Variants in NOTCH4 observed in about 807,000 individuals in gnomAD.
NOTCH4 encodes neurogenic locus notch homolog protein 4.
Under a neutral mutation model 189.0 loss-of-function variants are expected in NOTCH4, and 138 were observed. The observed-to-expected ratio is 0.73, with a 90% CI of 0.64 to 0.84. NOTCH4 has a LOEUF of 0.84. Among genes scored for constraint, NOTCH4 ranks in the 40% least tolerant of loss-of-function variants. NOTCH4 has a pLI of 0.00. For synonymous variants in NOTCH4, 942 were observed against 1,032.8 expected, an observed-to-expected ratio of 0.91 and a Z score of 1.69; for missense variants, 2,286 against 2,605.4, an observed-to-expected ratio of 0.88 and a Z score of 2.67.
chr6:32,212,726 A>C lies in NOTCH4; in HGVS notation c.2526+98T>G. On this transcript the variant is annotated intron_variant, in intron 16 of 29. Coordinates refer to ENST00000375023, the MANE Select transcript of NOTCH4 (RefSeq NM_004557.4). The surrounding 1 kb of genome is among the most constrained non-coding windows in gnomAD (Gnocchi z 4.4). ...CCAGCTCCTCGAAATCCCTTACTTC[A>C]AAAACCTTCTCCTGAATGGCCTGGG... 1 of 1,495,824 alleles carries C rather than the reference A, an allele frequency of 6.7e-7. No individual in the cohort carries two copies. The highest frequency in any genetic ancestry group is 9.0e-7 in the Non-Finnish European group (1 of 1,111,584). 92.7% of individuals were successfully genotyped at this position (1,495,824 alleles called of 1,614,324 possible). A position where few individuals can be genotyped will look rare whatever the true frequency, so the allele number is the denominator to read the frequency against.
At chr6:32,216,828 A>G in intron 11 of NOTCH4, 117 bp downstream of exon 11, 4 of 1,222,358 alleles carry the variant, frequency 3.3e-6, no homozygotes, top group Admixed American at 1.7e-5. Flanking sequence ...ACTTTAAAGG[A>G]TACCATTCTC....
In NOTCH4 at chr6:32,200,684, A is replaced by G. The variant is rs1218073311; in HGVS notation, c.4315+147T>C. 4.7e-6 allele frequency: 3 copies of G among 637,326 alleles called. No individual in the cohort carries two copies. Among genetic ancestry groups the G allele is most frequent in the South Asian group, 2.1e-5 (1 of 47,146 alleles). 39.5% of individuals were successfully genotyped at this position (637,326 alleles called of 1,614,324 possible). A position where few individuals can be genotyped will look rare whatever the true frequency, so the allele number is the denominator to read the frequency against. Reference sequence around the variant, plus strand: ...AAATGGGCCAGTGGGAGATTCAGTTAGAGAAAGCGGGGTTAGGGAAAGTAA... The same window carrying G: ...AAATGGGCCAGTGGGAGATTCAGTTGGAGAAAGCGGGGTTAGGGAAAGTAA... On this transcript the variant is annotated intron_variant, in intron 23 of 29. Coordinates refer to ENST00000375023, the MANE Select transcript of NOTCH4 (RefSeq NM_004557.4). This position sits in a 1 kb window ranked among gnomAD's most constrained non-coding sequence, Gnocchi z 5.0.
chr6:32,211,087 C>A, intron 17 of NOTCH4, 151 bp from the exon 18 acceptor site: 2 of 691,356 alleles, frequency 2.9e-6, no homozygotes, highest in Non-Finnish European at 4.5e-6. Flanking sequence ...GGGGAAACCC[C>A]GTCTCTACTA....
rs746306804 is a variant in NOTCH4 at position 32,198,744 on chromosome 6, G to C, written c.4536-14C>G. The C allele has an allele frequency of 6.2e-7, 1 of 1,600,020 alleles. No individual in the cohort carries two copies. The highest frequency in any genetic ancestry group is 8.5e-7 in the Non-Finnish European group (1 of 1,174,230). On this transcript the variant is annotated splice_polypyrimidine_tract_variant and intron_variant, in intron 24 of 29. Transcript: ENST00000375023. The surrounding 1 kb of genome is among the most constrained non-coding windows in gnomAD (Gnocchi z 5.5). ...GGCTTCAGTGCCCTGGAAAGGAATG[G>C]GTGGGTAGAGGTTACACGGAATTAT...
chr6:32,203,607 T>G, intron 20 of NOTCH4, 163 bp downstream of exon 20: 1 of 594,300 alleles, frequency 1.7e-6, no homozygotes, highest in South Asian at 2.5e-5. Context: ...TGCCTTGCCT[T>G]TGACTGCTTC....
In NOTCH4 at chr6:32,224,000, C is replaced by A; in HGVS notation, c.-72G>T. 1.4e-6 allele frequency: 2 copies of A among 1,446,612 alleles called. No homozygotes were observed. The highest frequency in any genetic ancestry group is 9.2e-7 in the Non-Finnish European group (1 of 1,081,406). 89.6% of individuals were successfully genotyped at this position (1,446,612 alleles called of 1,614,324 possible). A position where few individuals can be genotyped will look rare whatever the true frequency, so the allele number is the denominator to read the frequency against. On this transcript the variant is annotated 5_prime_UTR_variant, in exon 1 of 30. Coordinates refer to ENST00000375023, the MANE Select transcript of NOTCH4 (RefSeq NM_004557.4). ...GGGACCCTCAGAGCTCTCACTGGGG[C>A]AGGAGCCACCTCCTCTGCTCCCACT... is the stretch of plus-strand genomic sequence containing the variant.
chr6:32,205,799 G>A (rs1019334896), intron 18 of NOTCH4, among the ~76,000 whole-genome samples: 7 of 152,004 alleles, frequency 4.6e-5, no homozygotes, highest in South Asian at 2.1e-4. Flanking sequence ...AGGTCAAGGC[G>A]GGTGGATCAC....
Position 32,219,632 on chromosome 6 carries a change from A to G in NOTCH4, c.1470T>C (p.Cys490=). The change falls in exon 8 of 30, where the codon TGT becomes TGC. Residue 490 remains cysteine (C), a synonymous_variant. Transcript: ENST00000375023. ...LSQPCHPGST[C]LDLLATFHCL... ...AGTGGAAGGTGGCAAGTAGGTCCAG[A>G]CAGGTGCTTCCTGGGTGGCAGGGCT... The G allele has an allele frequency of 6.2e-7, 1 of 1,613,086 alleles. No homozygotes were observed. Among genetic ancestry groups the G allele is most frequent in the Non-Finnish European group, 8.5e-7 (1 of 1,180,010 alleles).
Position 32,222,653 on chromosome 6 carries a change from G to A in NOTCH4, c.309C>T (p.Cys103=), listed in dbSNP as rs2127490871. Residue 103 remains cysteine, a synonymous_variant, in exon 3 of 30, where the codon TGC becomes TGT. Coordinates refer to ENST00000375023, the MANE Select transcript of NOTCH4 (RefSeq NM_004557.4). ...SPSPLTPSFL[C]TCLPGFTGER... ...CACCAGTGAAGCCAGGGAGGCAAGTGCACAAGAAGCTGGGTGTCAATGGAG... is the reference window on the plus strand; with the variant it reads ...CACCAGTGAAGCCAGGGAGGCAAGTACACAAGAAGCTGGGTGTCAATGGAG... 6.2e-7 allele frequency: 1 copy of A among 1,607,160 alleles called. No homozygotes were observed. Among genetic ancestry groups the A allele is most frequent in the East Asian group, 2.2e-5 (1 of 44,810 alleles).
chr6:32,215,038 C>T (rs1424394430), intron 12 of NOTCH4, among the ~76,000 whole-genome samples, 188 bp downstream of exon 12: 1 of 152,192 alleles, frequency 6.6e-6, no homozygotes, highest in Non-Finnish European at 1.5e-5. Context: ...TTTTTGTGGA[C>T]TCTCTTCTCC....
At chr6:32,223,824 G>A (rs1308707659) in intron 1 of NOTCH4, 32 bp downstream of exon 1, 1 of 1,595,602 alleles carries the variant, frequency 6.3e-7, no homozygotes, top group Non-Finnish European at 8.5e-7. Context: ...AAGGGAGCTG[G>A]GTCCCCTCAC....
Position 32,222,817 on chromosome 6 carries a change from G to C in NOTCH4, c.156-11C>G. 6.2e-7 allele frequency: 1 copy of C among 1,607,458 alleles called. No homozygotes were observed. The highest frequency in any genetic ancestry group is 8.5e-7 in the Non-Finnish European group (1 of 1,177,934). The stretch of plus-strand genomic sequence containing the variant: ...AAGCCAGGGGCACACCTGGGCAGGG[G>C]AGGAGAGGAAAACTCACATCACTGG... On this transcript the variant is annotated splice_polypyrimidine_tract_variant and intron_variant, in intron 2 of 29. Coordinates refer to ENST00000375023, the MANE Select transcript of NOTCH4 (RefSeq NM_004557.4).
rs771639313 is a variant in NOTCH4 at position 32,213,754 on chromosome 6, A to G, written c.2254T>C (p.Tyr752His). ...GSCNPSPGGY[Y>H]CTCPPSHTGP... is the part of the protein sequence containing the mutation. ...GTGTGGCTTGGAGGGCAGGTGCAGT[A>G]GTAGCCTCCAGGGCTAGGGTTGCAG... is the stretch of plus-strand genomic sequence containing the variant. Residue 752 changes from tyrosine to histidine, a missense_variant, in exon 14 of 30, where the codon TAC becomes CAC. Physicochemically the swap from Tyr to His is moderately conservative, Grantham distance 83. This residue lies in a region of NOTCH4 where 1,903 missense variants were observed against 2,261.9 expected (regional missense o/e 0.84). Coordinates refer to ENST00000375023, the MANE Select transcript of NOTCH4 (RefSeq NM_004557.4). The G allele has an allele frequency of 2.1e-5, 34 of 1,612,164 alleles. No homozygotes were observed. The highest frequency in any genetic ancestry group is 2.9e-5 in the Non-Finnish European group (34 of 1,179,908).
At position 32,200,920 on chromosome 6, in the gene NOTCH4, A is replaced by G; in HGVS notation, c.4226T>C (p.Leu1409Pro). The G allele has an allele frequency of 1.2e-6, 2 of 1,608,944 alleles. No homozygotes were observed. Among genetic ancestry groups the G allele is most frequent in the Non-Finnish European group, 1.7e-6 (2 of 1,178,100 alleles). The change falls in exon 23 of 30, where the codon CTC becomes CCC. Residue 1409 changes from leucine (L) to proline (P), a missense_variant. This residue lies in a region of NOTCH4 where 1,903 missense variants were observed against 2,261.9 expected (regional missense o/e 0.84). Coordinates refer to ENST00000375023, the MANE Select transcript of NOTCH4 (RefSeq NM_004557.4). The surrounding 1 kb of genome is among the most constrained non-coding windows in gnomAD (Gnocchi z 5.0). ...SRCPWDPGLL[L>P]RFLAAMAAVG... is the part of the protein sequence containing the mutation. ...TGCAGCCATCGCAGCAAGGAAGCGG[A>G]GTAGAAGCCCAGGGTCCCAGGGACA...
intron 19 of NOTCH4, 68 bp downstream of exon 19, chr6:32,204,069 A>G (rs979807962): frequency 3.8e-6 from 6 of 1,584,266 alleles, no homozygotes; most frequent in Admixed American, 1.7e-5. Context: ...GGTGGAGACT[A>G]TCTGGCTCTC....
In NOTCH4 at chr6:32,220,470, G is replaced by C. The variant is rs370744926; in HGVS notation, c.1094C>G (p.Ala365Gly). The C allele has an allele frequency of 5.0e-6, 8 of 1,613,702 alleles. No homozygotes were observed. The South Asian group carries it at 7.7e-5, about 16-fold the overall frequency. Residue 365 changes from alanine (A) to glycine (G), a missense_variant, in exon 6 of 30, where the codon GCC becomes GGC. Coordinates refer to ENST00000375023, the MANE Select transcript of NOTCH4 (RefSeq NM_004557.4). ...CCGGTCAATGCAGGTGGATCCCGGGGCACAGGTGGCAGCAATACAGTCATC... is the reference window on the plus strand; with the variant it reads ...CCGGTCAATGCAGGTGGATCCCGGGCCACAGGTGGCAGCAATACAGTCATC... Reference protein sequence around the residue: ...NLDDCIAATCAPGSTCIDRVG... With the variant: ...NLDDCIAATCGPGSTCIDRVG...
rs1261424610 is a variant in NOTCH4 at position 32,201,525 on chromosome 6, C to T, written c.3756-25G>A. 6.9e-7 allele frequency: 1 copy of T among 1,450,104 alleles called. No individual in the cohort carries two copies. The highest frequency in any genetic ancestry group is 1.4e-5 in the African/African-American group (1 of 70,302). 89.8% of individuals were successfully genotyped at this position (1,450,104 alleles called of 1,614,324 possible). On this transcript the variant is annotated intron_variant, in intron 21 of 29. Transcript: ENST00000375023. The surrounding 1 kb of genome is among the most constrained non-coding windows in gnomAD (Gnocchi z 5.5). ...ACTGTGGGGTAAGGAGAGGGGGACTCAGGACCTCCCTAAAACCTGACTCTT... is the reference window on the plus strand; with the variant it reads ...ACTGTGGGGTAAGGAGAGGGGGACTTAGGACCTCCCTAAAACCTGACTCTT...
At chr6:32,219,490 C>T (rs978151162) in intron 8 of NOTCH4, 102 bp downstream of exon 8, 16 of 1,079,116 alleles carry the variant, frequency 1.5e-5, no homozygotes, top group African/African-American at 6.4e-5. Flanking sequence ...TGGTAACTTA[C>T]GCCAATTGGC....
Position 32,217,940 on chromosome 6 carries a change from C to G in NOTCH4, c.1624+55G>C, listed in dbSNP as rs1789516643. ...CTTGGGTGATTGCTGAGCCTGAACT[C>G]TGCAGGTTCAGAGGCCTGGGGTCTG... is the stretch of plus-strand genomic sequence containing the variant. On this transcript the variant is annotated intron_variant, in intron 9 of 29. Coordinates refer to ENST00000375023, the MANE Select transcript of NOTCH4 (RefSeq NM_004557.4). The surrounding 1 kb of genome is among the most constrained non-coding windows in gnomAD (Gnocchi z 4.2). The G allele has an allele frequency of 1.7e-6, 2 of 1,180,268 alleles. No homozygotes were observed. Among genetic ancestry groups the G allele is most frequent in the South Asian group, 1.3e-5 (1 of 79,370 alleles). The allele number at this position is 1,180,268 out of a possible 1,614,324, so 73.1% of individuals were successfully genotyped here. A position where few individuals can be genotyped will look rare whatever the true frequency, so the allele number is the denominator to read the frequency against.
Sources: gnomAD v4.1 joint callset for allele counts (sites outside exome capture counted in the v4.1 genomes callset) on GRCh38, gnomAD v4.1.1 for gene constraint, gnomAD v4.1.1 regional missense constraint, Gnocchi (gnomAD v3.1) non-coding constraint, MANE v1.5 for transcripts, NCBI Gene and HGNC (gene_info 2026-07-23, HGNC 2026-07-21) for gene names.